The following CASK variants were observed in gnomAD, a reference collection of about 807,000 sequenced individuals.
CASK encodes the protein peripheral plasma membrane protein CASK.
In CASK, 4 loss-of-function variants were observed where a neutral mutation model predicts 82.9. The ratio of observed to expected loss-of-function variants is 0.05; its 90% CI spans 0.02 to 0.11. CASK has a LOEUF of 0.11. CASK is among the 10% of genes least tolerant of loss of function. The pLI is 1.00. For synonymous variants in CASK, 259 were observed against 253.5 expected, an observed-to-expected ratio of 1.02 and a Z score of -0.20; for missense variants, 358 against 720.9, an observed-to-expected ratio of 0.50 and a Z score of 5.76.
chrX:41,901,178 C>T (rs552353180), intron 1 of CASK, among the ~76,000 whole-genome samples: 3 of 112,245 alleles, frequency 2.7e-5, no homozygotes, highest in African/African-American at 9.7e-5. Context: ...TTAGTGTCTG[C>T]ACATTTTACA....
intron 2 of CASK, among the ~76,000 whole-genome samples, chrX:41,796,268 G>A (rs1286633740): frequency 8.9e-6 from 1 of 112,860 alleles, no homozygotes; most frequent in Admixed American, 9.3e-5. Flanking sequence ...GAAAGAGTAA[G>A]ATAACAACTC....
intron 22 of CASK, among the ~76,000 whole-genome samples, chrX:41,538,664 A>C (rs2064908051): frequency 8.9e-6 from 1 of 112,156 alleles, no homozygotes; most frequent in African/African-American, 3.2e-5. Flanking sequence ...CTGCTAAACT[A>C]CTCAACATTC....
chrX:41,675,951 G>T (rs1301746003), intron 5 of CASK: 1 of 1,206,350 alleles, frequency 8.3e-7, no homozygotes, highest in Non-Finnish European at 1.1e-6. Context: ...GGGGAGTTCA[G>T]AATCTCATAA....
At chrX:41,565,101 T>G (rs2065291224) in intron 16 of CASK, among the ~76,000 whole-genome samples, 1 of 111,803 alleles carries the variant, frequency 8.9e-6, no homozygotes, top group South Asian at 3.7e-4. Context: ...AGAGGGAAAT[T>G]TATAGCACTA....
At chrX:41,565,786 A>G (rs1432080238) in intron 16 of CASK, among the ~76,000 whole-genome samples, 1 of 111,743 alleles carries the variant, frequency 8.9e-6, no homozygotes, top group African/African-American at 3.3e-5. Context: ...CAACAAAAAA[A>G]CAGAATTTTA....
intron 21 of CASK, among the ~76,000 whole-genome samples, chrX:41,544,771 C>T (rs191100626): frequency 9.4e-6 from 1 of 106,503 alleles, no homozygotes; most frequent in African/African-American, 3.4e-5. Flanking sequence ...TGTGATGTTA[C>T]GTGCCTGTAG....
rs140779560 is a variant in CASK, at chrX:41,687,138, T to C, written c.430-15608A>G. Among the ~76,000 whole-genome samples the C allele has an allele frequency of 3.5e-3, 390 of 112,052 alleles. 3 individuals are homozygous for C. The highest frequency in any genetic ancestry group is 0.011 in the African/African-American group (338 of 30,906). On this transcript the variant is annotated intron_variant, in intron 5 of 26. Transcript: ENST00000378163. ...AAGGGTTGTCTTAGGTGTAGGAAAA[T>C]AATATAGAAAAAAATATATTCATGC...
intron 1 of CASK, among the ~76,000 whole-genome samples, chrX:41,882,142 G>A (rs762320816): frequency 6.3e-5 from 7 of 111,621 alleles, no homozygotes; most frequent in African/African-American, 2.3e-4. Context: ...AAGGCTGATA[G>A]TTGGTGTTCA....
chrX:41,536,479 A>T (rs1318293130), intron 22 of CASK, among the ~76,000 whole-genome samples: 1 of 111,448 alleles, frequency 9.0e-6, no homozygotes, highest in Non-Finnish European at 1.9e-5. Flanking sequence ...TGGCCAAATG[A>T]CTGTGAATAT....
At chrX:41,695,824 T>C in intron 5 of CASK, 2 of 1,205,666 alleles carry the variant, frequency 1.7e-6, no homozygotes, top group Non-Finnish European at 2.2e-6. Flanking sequence ...TACTCTGTTA[T>C]TTTCATCGTG....
At chrX:41,598,675 T>C (rs5917436) in intron 12 of CASK, among the ~76,000 whole-genome samples, 12,842 of 111,664 alleles carry the variant, frequency 0.12, 715 homozygotes, top group Middle Eastern at 0.17. Context: ...AGAACTTCTA[T>C]AACCTGTCCT....
At position 41,553,928 on chromosome X, in the gene CASK, A is replaced by C. The variant is rs1332841491; in HGVS notation, c.1843-13T>G. The C allele has an allele frequency of 8.7e-7, 1 of 1,143,849 alleles. No individual in the cohort carries two copies. Among genetic ancestry groups the C allele is most frequent in the East Asian group, 3.0e-5 (1 of 33,478 alleles). The allele number at this position is 1,143,849 out of a possible 1,213,427, so 94.3% of individuals were successfully genotyped here. A position where few individuals can be genotyped will look rare whatever the true frequency, so the allele number is the denominator to read the frequency against. On this transcript the variant is annotated splice_polypyrimidine_tract_variant and intron_variant, in intron 20 of 26. Coordinates refer to ENST00000378163, the MANE Select transcript of CASK (RefSeq NM_001367721.1). ...CTCTTACATAGATCTATAAAACAGG[A>C]GTTCGTAAGAAAGGATGCCATAGTG...
chrX:41,850,473 G>A (rs1409172963), intron 2 of CASK, among the ~76,000 whole-genome samples: 2 of 110,302 alleles, frequency 1.8e-5, no homozygotes, highest in African/African-American at 6.6e-5. Flanking sequence ...AAACCACTAA[G>A]CCAAAAATAA....
chrX:41,852,211 C>T (rs1369131571), intron 2 of CASK, among the ~76,000 whole-genome samples: 1 of 110,914 alleles, frequency 9.0e-6, no homozygotes, highest in African/African-American at 3.3e-5. Context: ...AAAAGATCTC[C>T]AGGAACAGAC....
chrX:41,886,041 G>C (rs2072041707), intron 1 of CASK, among the ~76,000 whole-genome samples: 1 of 111,880 alleles, frequency 8.9e-6, no homozygotes, highest in African/African-American at 3.2e-5. Flanking sequence ...AACTAGGCAA[G>C]TTTAATTAAA....
intron 3 of CASK, among the ~76,000 whole-genome samples, chrX:41,758,273 A>G (rs895487262): frequency 9.1e-6 from 1 of 109,956 alleles, no homozygotes; most frequent in Admixed American, 9.7e-5. Flanking sequence ...CGTCTCTACT[A>G]AAAATACAAA....
intron 21 of CASK, 59 bp downstream of exon 21, chrX:41,553,660 T>C: frequency 3.4e-6 from 3 of 892,021 alleles, no homozygotes; most frequent in East Asian, 6.7e-5. Context: ...AATTGGAAAA[T>C]GGATGGTCAG....
intron 5 of CASK, chrX:41,696,017 G>A (rs2067682029): frequency 8.3e-7 from 1 of 1,208,909 alleles, no homozygotes; most frequent in South Asian, 1.8e-5. Flanking sequence ...TTCTGTGCAA[G>A]GTTGTGGGAA....
intron 3 of CASK, among the ~76,000 whole-genome samples, chrX:41,780,802 C>T (rs1042625889): frequency 9.0e-6 from 1 of 110,816 alleles, no homozygotes; most frequent in Non-Finnish European, 1.9e-5. Flanking sequence ...GTGTGTGCCA[C>T]CACACCCGGC....
Sources: gnomAD v4.1 joint callset for allele counts (sites outside exome capture counted in the v4.1 genomes callset) on GRCh38, gnomAD v4.1.1 for gene constraint, MANE v1.5 for transcripts, NCBI Gene and HGNC (gene_info 2026-07-23, HGNC 2026-07-21) for gene names.